The following CCDC171 variants were observed in gnomAD, a reference collection of about 807,000 sequenced individuals.
The protein encoded by CCDC171 is coiled-coil domain-containing protein 171.
Under a neutral mutation model 168.2 loss-of-function variants are expected in CCDC171, and 177 were observed. That is an observed-to-expected ratio of 1.05 (90% CI 0.93 to 1.19). The LOEUF (loss-of-function observed/expected upper bound fraction) is 1.19, where lower values mean the gene tolerates loss of function less well. Among genes scored for constraint, CCDC171 ranks in the 50% most tolerant of loss-of-function variants. The probability of loss-of-function intolerance (pLI) is 0.00; values close to 1 mark genes in which losing one functional copy is unlikely to be tolerated. For synonymous variants in CCDC171, 687 were observed against 540.8 expected (o/e 1.27, Z -3.75); for missense variants, 1,991 against 1,539.0 (o/e 1.29, Z -4.91).
intron 1 of CCDC171, among the ~76,000 whole-genome samples, chr9:16,055,130 T>C (rs116948601): frequency 0.015 from 2,324 of 152,324 alleles, 23 homozygotes; most frequent in South Asian, 0.055. Context: ...CCTCAGATTT[T>C]TGACCTGAGC....
rs917719684 is a variant in CCDC171, at chr9:15,817,336, G to A, written c.3268-29366G>A. Among the ~76,000 whole-genome samples, 9 of 117,424 alleles carry A rather than the reference G, an allele frequency of 7.7e-5. 3 individuals are homozygous for A. The highest frequency in any genetic ancestry group is 2.9e-4 in the African/African-American group (9 of 31,308). 77.0% of individuals were successfully genotyped at this position (117,424 alleles called of 152,430 possible). On this transcript the variant is annotated intron_variant, in intron 21 of 25. Transcript: ENST00000380701. ...CGGGTTCATCTCACTGGGGAGTGCC[G>A]AACAGTGGGTGCAGGACAGTGGGTG...
At position 15,920,408 on chromosome 9, in the gene CCDC171, G is replaced by C. The variant is rs2131991143; in HGVS notation, c.3739G>C (p.Ala1247Pro). 2 of 1,605,426 alleles carry C rather than the reference G, an allele frequency of 1.2e-6. No homozygotes were observed. Among genetic ancestry groups the C allele is most frequent in the East Asian group, 4.5e-5 (2 of 44,678 alleles). ...TCACACAGCTTGTTTACGTGAAAATGCAAGTTTACAATCAGTAAGTCCTTG... is the reference window on the plus strand; with the variant it reads ...TCACACAGCTTGTTTACGTGAAAATCCAAGTTTACAATCAGTAAGTCCTTG... ...ELHTACLRENASLQSIGSRDH... is the reference protein window; with the variant it reads ...ELHTACLRENPSLQSIGSRDH... The change falls in exon 25 of 26, where the codon GCA becomes CCA. Residue 1247 changes from alanine (A) to proline (P), a missense_variant. By Grantham distance (27) the Ala-to-Pro change is conservative (BLOSUM62 -1). Transcript: ENST00000380701.
At chr9:16,071,269 C>T in the CCDC171 span, among the ~76,000 whole-genome samples, 10 of 152,200 alleles carry the variant, frequency 6.6e-5, no homozygotes, top group Non-Finnish European at 1.0e-4. Flanking sequence ...TTTCCTCCAC[C>T]GAGTCTGAGT....
intron 1 of CCDC171, among the ~76,000 whole-genome samples, chr9:15,556,232 C>A: frequency 6.6e-6 from 1 of 152,104 alleles, no homozygotes; most frequent in East Asian, 1.9e-4. Context: ...TTGTGGGTAA[C>A]CTGACCTTTC....
chr9:15,802,928 G>T (rs1007469547), intron 21 of CCDC171, among the ~76,000 whole-genome samples: 1 of 152,006 alleles, frequency 6.6e-6, no homozygotes, highest in African/African-American at 2.4e-5. Context: ...GTTGTTTTTT[G>T]AGTTTTTAGT....
At chr9:15,968,778 A>T (rs1380816677) in intron 25 of CCDC171, among the ~76,000 whole-genome samples, 1 of 152,126 alleles carries the variant, frequency 6.6e-6, no homozygotes, top group Non-Finnish European at 1.5e-5. Flanking sequence ...ACCTCAGGTG[A>T]TCCACCCACC....
intron 24 of CCDC171, among the ~76,000 whole-genome samples, chr9:15,892,053 G>A (rs1563950389): frequency 6.6e-6 from 1 of 152,102 alleles, no homozygotes; most frequent in Non-Finnish European, 1.5e-5. Flanking sequence ...CTTTATTAGT[G>A]TTTTATCCAC....
intron 23 of CCDC171, among the ~76,000 whole-genome samples, chr9:15,859,981 TC>T (rs1381787975): frequency 6.6e-6 from 1 of 151,776 alleles, no homozygotes; most frequent in Non-Finnish European, 1.5e-5. Flanking sequence ...TTCAAGACTT[TC>T]TATTTTTTTT....
At chr9:15,573,690 A>G (rs1484980952) in intron 3 of CCDC171, among the ~76,000 whole-genome samples, 3 of 152,242 alleles carry the variant, frequency 2.0e-5, no homozygotes, top group African/African-American at 7.2e-5. Context: ...CATAAACTCT[A>G]AAACTTGTTT....
intron 24 of CCDC171, among the ~76,000 whole-genome samples, chr9:15,906,766 A>T (rs892205150): frequency 6.6e-6 from 1 of 152,182 alleles, no homozygotes; most frequent in African/African-American, 2.4e-5. Context: ...TTGTATATCT[A>T]GAAAACCCCA....
intron 11 of CCDC171, among the ~76,000 whole-genome samples, chr9:15,721,129 A>T (rs578173104): frequency 6.6e-6 from 1 of 152,334 alleles, no homozygotes; most frequent in East Asian, 1.9e-4. Flanking sequence ...TTTTACCATG[A>T]GTATCAGTTT....
intron 2 of CCDC171, among the ~76,000 whole-genome samples, chr9:15,567,505 T>C (rs1329365154): frequency 2.0e-5 from 3 of 152,220 alleles, no homozygotes; most frequent in African/African-American, 7.2e-5. Flanking sequence ...AGGGATTATA[T>C]TGAATATGTA....
rs1191030095 is a variant in CCDC171, at chr9:15,666,183, AG to A, written c.938del (p.Gly313GlufsTer5). On this transcript the variant is annotated frameshift_variant, in exon 9 of 26. Coordinates refer to ENST00000380701, the MANE Select transcript of CCDC171 (RefSeq NM_173550.4). LOFTEE classifies it high-confidence loss of function. ...IIQLRIRDLEGALQVEKASQA... is the reference protein window; with the variant it reads ...IIQLRIRDLEXALQVEKASQA... ...GGTAGTTACGGATTCGAGACCTTGA[AG>A]GAGCTTTGCAAGTAGAGAAGGCCAG... is the stretch of plus-strand genomic sequence containing the variant. The A allele has an allele frequency of 1.2e-6, 2 of 1,613,834 alleles. No individual in the cohort carries two copies. The highest frequency in any genetic ancestry group is 1.7e-6 in the Non-Finnish European group (2 of 1,179,888).
chr9:15,697,597 G>A (rs1053917295), intron 11 of CCDC171, among the ~76,000 whole-genome samples: 2 of 152,016 alleles, frequency 1.3e-5, no homozygotes, highest in South Asian at 2.1e-4. Flanking sequence ...CGAGTTTTTC[G>A]GCTTCCCAGT....
intron 6 of CCDC171, among the ~76,000 whole-genome samples, chr9:16,023,138 G>C (rs1284546333): frequency 6.6e-6 from 1 of 151,948 alleles, no homozygotes; most frequent in Non-Finnish European, 1.5e-5. Context: ...CTGTCGCCCA[G>C]GCTGGAGTGC....
chr9:15,626,674 A>G (rs1265882428), intron 7 of CCDC171, among the ~76,000 whole-genome samples: 2 of 152,206 alleles, frequency 1.3e-5, no homozygotes, highest in African/African-American at 4.8e-5. Flanking sequence ...CCACTTGATC[A>G]TGGTGGATAA....
chr9:15,820,936 A>G (rs183572471), intron 21 of CCDC171, among the ~76,000 whole-genome samples: 3,350 of 117,446 alleles, frequency 0.029, 1,010 homozygotes, highest in African/African-American at 0.1. Context: ...AAAAATCCTC[A>G]ATAAAATACT....
chr9:15,585,270 G>A (rs1395808528), intron 4 of CCDC171, among the ~76,000 whole-genome samples: 1 of 151,310 alleles, frequency 6.6e-6, no homozygotes, highest in African/African-American at 2.4e-5. Context: ...AAAAACTTTT[G>A]TCCAAAAAAG....
chr9:15,643,639 G>A (rs1434315052), intron 7 of CCDC171, among the ~76,000 whole-genome samples: 1 of 152,010 alleles, frequency 6.6e-6, no homozygotes, highest in Non-Finnish European at 1.5e-5. Context: ...TCACTATACT[G>A]TGCAACTATT....
Sources: allele counts gnomAD v4.1 joint callset (sites outside exome capture counted in the v4.1 genomes callset), GRCh38; gene constraint gnomAD v4.1.1; transcripts MANE v1.5; gene names NCBI Gene and HGNC (gene_info 2026-07-23, HGNC 2026-07-21).